The following NINJ2 variants were observed in gnomAD, a reference collection of about 807,000 sequenced individuals.
NINJ2 encodes the protein ninjurin 2.
Under a neutral mutation model 11.7 loss-of-function variants are expected in NINJ2, and 12 were observed. The ratio of observed to expected loss-of-function variants is 1.02; its 90% CI spans 0.66 to 1.66. The LOEUF is 1.66. Ranked by LOEUF, NINJ2 falls within the 40% of genes most tolerant of loss-of-function variation. NINJ2 has a pLI of 0.00. For synonymous variants in NINJ2, 93 were observed against 76.8 expected (o/e 1.21, Z -1.10); for missense variants, 187 against 181.8 (o/e 1.03, Z -0.16).
At chr12:647,447 T>C (rs994619787) in intron 1 of NINJ2, among the ~76,000 whole-genome samples, 12 of 104,412 alleles carry the variant, frequency 1.1e-4, no homozygotes, top group Admixed American at 3.2e-4. Flanking sequence ...ACTGACAGTG[T>C]GGTGGTGCCC....
chr12:621,037 C>G lies in NINJ2; in HGVS notation c.33+42291G>C, dbSNP rs1287479182. Among the ~76,000 whole-genome samples, 134 of 152,174 alleles carry G rather than the reference C, an allele frequency of 8.8e-4. 1 individual carries two copies. The highest frequency in any genetic ancestry group is 1.2e-4 in the Non-Finnish European group (8 of 68,030). On this transcript the variant is annotated intron_variant, in intron 1 of 3. Coordinates refer to ENST00000305108, the MANE Select transcript of NINJ2 (RefSeq NM_016533.6). ...CCTGGATGTGGCTCCTAATTCCAAC[C>G]TAACAAACAAGCACTCCTGAGTCTC... is the stretch of plus-strand genomic sequence containing the variant.
intron 1 of NINJ2, among the ~76,000 whole-genome samples, chr12:655,629 G>A (rs560436128): frequency 6.6e-6 from 1 of 152,268 alleles, no homozygotes; most frequent in Admixed American, 6.5e-5. Flanking sequence ...AATAAATGAA[G>A]GGGACAAGCG....
At chr12:635,284 C>T (rs935759122) in intron 1 of NINJ2, among the ~76,000 whole-genome samples, 2 of 152,176 alleles carry the variant, frequency 1.3e-5, no homozygotes, top group African/African-American at 4.8e-5. Flanking sequence ...CTCCTGACCT[C>T]AGGTGATCTG....
intron 1 of NINJ2, among the ~76,000 whole-genome samples, chr12:602,642 A>C (rs1183057158): frequency 6.6e-6 from 1 of 152,152 alleles, no homozygotes; most frequent in Non-Finnish European, 1.5e-5. Flanking sequence ...GCTGGGTCAT[A>C]CCGTACCTCT....
At chr12:661,554 T>C (rs2120554987) in intron 1 of NINJ2, among the ~76,000 whole-genome samples, 1 of 152,328 alleles carries the variant, frequency 6.6e-6, no homozygotes, top group African/African-American at 2.4e-5. Context: ...TAGCCAGTCA[T>C]TTCCTTCTCC....
chr12:575,414 C>T (rs780935109), intron 1 of NINJ2, among the ~76,000 whole-genome samples: 1 of 152,236 alleles, frequency 6.6e-6, no homozygotes, highest in African/African-American at 2.4e-5. Flanking sequence ...ACACACCCCA[C>T]CCTTCCCAGC....
rs1327904582 is a variant in NINJ2 at position 591,912 on chromosome 12, A to T, written c.34-25734T>A. ...TAACTAGTCAATTTTGAGCAAACAGAGGCCCCCAGGCGTTTTTCCCGGGTC... is the reference window on the plus strand; with the variant it reads ...TAACTAGTCAATTTTGAGCAAACAGTGGCCCCCAGGCGTTTTTCCCGGGTC... On this transcript the variant is annotated intron_variant, in intron 1 of 3. Transcript: ENST00000305108. This position sits in a 1 kb window ranked among gnomAD's most constrained non-coding sequence, Gnocchi z 5.0. Among the ~76,000 whole-genome samples, 1 of 152,094 alleles carries T rather than the reference A, an allele frequency of 6.6e-6. No homozygotes were observed. Among genetic ancestry groups the T allele is most frequent in the Non-Finnish European group, 1.5e-5 (1 of 68,026 alleles).
At chr12:643,693 C>T in intron 1 of NINJ2, 2 of 988,040 alleles carry the variant, frequency 2.0e-6, no homozygotes, top group Non-Finnish European at 2.4e-6. Flanking sequence ...CGCCTCACCG[C>T]AACGAGTCTG....
intron 1 of NINJ2, chr12:610,469 A>G (rs1948013975): frequency 6.5e-7 from 1 of 1,534,136 alleles, no homozygotes; most frequent in African/African-American, 1.4e-5. Context: ...GCTGAGAGGA[A>G]AAGGGTCAGC....
intron 1 of NINJ2, among the ~76,000 whole-genome samples, chr12:660,619 G>A (rs925715044): frequency 3.3e-5 from 5 of 151,944 alleles, no homozygotes; most frequent in East Asian, 2.0e-4. Context: ...GGTTACAGGC[G>A]TGAGCCACCT....
chr12:592,615 G>A lies in NINJ2; in HGVS notation c.34-26437C>T, dbSNP rs535133025. On this transcript the variant is annotated intron_variant, in intron 1 of 3. Transcript: ENST00000305108. ...CTTGGGAGGCTGAGGCAGGAGAATC[G>A]CTTGAACCCAGGAGGTGGAGGTTGC... Among the ~76,000 whole-genome samples, 8 of 152,236 alleles carry A rather than the reference G, an allele frequency of 5.3e-5. No homozygotes were observed. In the South Asian group the frequency reaches 1.0e-3, roughly 20 times the overall value.
chr12:613,936 AT>A (rs1349232452), intron 1 of NINJ2, among the ~76,000 whole-genome samples: 10 of 152,078 alleles, frequency 6.6e-5, no homozygotes, highest in South Asian at 4.2e-4. Flanking sequence ...AAATAAATAA[AT>A]TAATTAATTA....
At chr12:596,374 GATA>G (rs1000563665) in intron 1 of NINJ2, among the ~76,000 whole-genome samples, 2 of 152,184 alleles carry the variant, frequency 1.3e-5, no homozygotes, top group African/African-American at 4.8e-5. Flanking sequence ...GATGTTGCGT[GATA>G]ATGATGTGTC....
At chr12:648,516 C>T (rs1937730499) in intron 1 of NINJ2, among the ~76,000 whole-genome samples, 3 of 152,220 alleles carry the variant, frequency 2.0e-5, no homozygotes, top group Admixed American at 1.3e-4. Context: ...TAGACCCGTT[C>T]ATCGGGGATG....
intron 1 of NINJ2, among the ~76,000 whole-genome samples, chr12:611,330 TC>T (rs1426904457): frequency 3.1e-4 from 47 of 151,660 alleles, no homozygotes; most frequent in African/African-American, 1.1e-3. Flanking sequence ...TCTCTTTCTT[TC>T]TTTTCTTCTT....
At chr12:662,951 T>C (rs1162856658) in intron 1 of NINJ2, among the ~76,000 whole-genome samples, 1 of 76,830 alleles carries the variant, frequency 1.3e-5, no homozygotes. Context: ...TCAAAACTCA[T>C]ATATTTCCTG....
chr12:578,063 C>T (rs1027715546), intron 1 of NINJ2, among the ~76,000 whole-genome samples: 3 of 152,138 alleles, frequency 2.0e-5, no homozygotes, highest in Non-Finnish European at 2.9e-5. Flanking sequence ...CGACCCCTGA[C>T]GTAATCAGTT....
intron 1 of NINJ2, among the ~76,000 whole-genome samples, chr12:607,205 G>A (rs185200907): frequency 6.6e-6 from 1 of 152,282 alleles, no homozygotes; most frequent in Admixed American, 6.5e-5. Flanking sequence ...ACCAGAATCT[G>A]CATTTTAGCA....
chr12:635,053 C>CTT (rs1186262966), intron 1 of NINJ2, among the ~76,000 whole-genome samples: 6 of 140,836 alleles, frequency 4.3e-5, no homozygotes, highest in South Asian at 2.3e-4. Context: ...TCCCCATATA[C>CTT]TTTTTTTTTT....
Sources: gnomAD v4.1 joint callset for allele counts (sites outside exome capture counted in the v4.1 genomes callset) on GRCh38, gnomAD v4.1.1 for gene constraint, Gnocchi (gnomAD v3.1) non-coding constraint, MANE v1.5 for transcripts, NCBI Gene and HGNC (gene_info 2026-07-23, HGNC 2026-07-21) for gene names.